MPPED2: variants seen among roughly 807,000 people sequenced by gnomAD.
MPPED2 encodes metallophosphoesterase MPPED2.
Under a neutral mutation model 33.0 loss-of-function variants are expected in MPPED2, and 5 were observed. The observed-to-expected ratio is 0.15, with a 90% CI of 0.08 to 0.32. MPPED2 has a LOEUF of 0.32. Among genes scored for constraint, MPPED2 ranks in the 10% least tolerant of loss-of-function variants. The probability of loss-of-function intolerance (pLI) is 1.00; values close to 1 mark genes in which losing one functional copy is unlikely to be tolerated. For synonymous variants in MPPED2, 136 were observed against 141.9 expected (o/e 0.96, Z 0.29); for missense variants, 275 against 372.1 (o/e 0.74, Z 2.15).
At chr11:30,486,425 G>C (rs1485431106) in intron 4 of MPPED2, among the ~76,000 whole-genome samples, 2 of 152,186 alleles carry the variant, frequency 1.3e-5, no homozygotes, top group East Asian at 3.8e-4. Flanking sequence ...AGGGAATACT[G>C]TATATTTGAC....
intron 4 of MPPED2, among the ~76,000 whole-genome samples, chr11:30,482,758 C>T (rs969063105): frequency 2.7e-5 from 4 of 147,996 alleles, no homozygotes; most frequent in Non-Finnish European, 5.9e-5. Context: ...AAAATGCATT[C>T]ATAATTATGT....
At position 30,505,679 on chromosome 11, in the gene MPPED2, A is replaced by C. The variant is rs549768378; in HGVS notation, c.311-10158T>G. 1.1e-4 allele frequency among the ~76,000 whole-genome samples: 17 copies of C among 152,352 alleles called. 1 individual carries two copies. In the South Asian group the frequency reaches 2.7e-3, roughly 24 times the overall value. On this transcript the variant is annotated intron_variant, in intron 3 of 6. Coordinates refer to ENST00000358117, the MANE Select transcript of MPPED2 (RefSeq NM_001584.3). ...CCTCAAGCATTAGAAAACCGCATCC[A>C]AATCAAGGTTCCACCAGATAATCAC...
intron 4 of MPPED2, among the ~76,000 whole-genome samples, chr11:30,472,292 T>C (rs1483985162): frequency 6.6e-5 from 10 of 152,194 alleles, no homozygotes; most frequent in Non-Finnish European, 4.4e-5. Flanking sequence ...ACCTGGAAGC[T>C]TGAGGCTGCA....
At chr11:30,576,224 G>T (rs930102469) in intron 2 of MPPED2, among the ~76,000 whole-genome samples, 1 of 152,166 alleles carries the variant, frequency 6.6e-6, no homozygotes, top group Non-Finnish European at 1.5e-5. Context: ...TGTATTCACA[G>T]TTGGTTATAC....
chr11:30,509,397 G>A (rs1033595442), intron 3 of MPPED2, among the ~76,000 whole-genome samples: 11 of 152,152 alleles, frequency 7.2e-5, no homozygotes, highest in African/African-American at 2.2e-4. Context: ...CTTTGTTCCC[G>A]GTAGCTCAGA....
chr11:30,408,519 T>C (rs1433349242), downstream of MPPED2, among the ~76,000 whole-genome samples: 1 of 152,012 alleles, frequency 6.6e-6, no homozygotes, highest in African/African-American at 2.4e-5. Context: ...ACCATGTTGG[T>C]CAGGATGGTC....
Position 30,417,640 on chromosome 11 carries a change from G to A in MPPED2, c.537-7C>T. ...TCCATTAAACCACGGGGTCCTTTGGGGGAGATAATGCACATGGTATCAGGC... is the reference window on the plus strand; with the variant it reads ...TCCATTAAACCACGGGGTCCTTTGGAGGAGATAATGCACATGGTATCAGGC... On this transcript the variant is annotated splice_region_variant and splice_polypyrimidine_tract_variant and intron_variant, in intron 4 of 6. Coordinates refer to ENST00000358117, the MANE Select transcript of MPPED2 (RefSeq NM_001584.3). 1 of 1,544,494 alleles carries A rather than the reference G, an allele frequency of 6.5e-7. No homozygotes were observed. The highest frequency in any genetic ancestry group is 8.9e-7 in the Non-Finnish European group (1 of 1,117,448).
chr11:30,413,522 G>A (rs527895386), intron 6 of MPPED2, among the ~76,000 whole-genome samples: 3 of 152,248 alleles, frequency 2.0e-5, no homozygotes, highest in Admixed American at 6.5e-5. Flanking sequence ...TTAGGCTTTC[G>A]GTTCTGTGAA....
intron 3 of MPPED2, among the ~76,000 whole-genome samples, chr11:30,498,672 G>A (rs1253614820): frequency 6.6e-6 from 1 of 152,074 alleles, no homozygotes; most frequent in Non-Finnish European, 1.5e-5. Context: ...TTGACAAAAT[G>A]TCAAATAGTT....
intron 3 of MPPED2, among the ~76,000 whole-genome samples, chr11:30,533,703 T>G (rs927288934): frequency 1.3e-4 from 20 of 152,026 alleles, no homozygotes; most frequent in African/African-American, 4.8e-4. Context: ...TCTAACCATA[T>G]CCCAGGGCTC....
intron 3 of MPPED2, among the ~76,000 whole-genome samples, chr11:30,496,368 A>T (rs11031115): frequency 0.23 from 34,400 of 152,120 alleles, 4,916 homozygotes; most frequent in Non-Finnish European, 0.32. Context: ...TAAGAACGAA[A>T]ATCCAAAGGG....
At chr11:30,425,836 G>A (rs1948814360) in intron 4 of MPPED2, among the ~76,000 whole-genome samples, 2 of 152,106 alleles carry the variant, frequency 1.3e-5, no homozygotes, top group Admixed American at 6.5e-5. Flanking sequence ...TCTTCAAAGA[G>A]GAATCTCACA....
At chr11:30,504,485 A>G (rs1952722849) in intron 3 of MPPED2, among the ~76,000 whole-genome samples, 1 of 152,098 alleles carries the variant, frequency 6.6e-6, no homozygotes, top group African/African-American at 2.4e-5. Context: ...GGGGTTCTAT[A>G]AGCTATGAGG....
chr11:30,530,760 A>G (rs1954476941), intron 3 of MPPED2, among the ~76,000 whole-genome samples: 1 of 152,254 alleles, frequency 6.6e-6, no homozygotes, highest in Non-Finnish European at 1.5e-5. Flanking sequence ...GCAATATTCA[A>G]GAAGGCTACC....
At chr11:30,443,827 G>A (rs1027519512) in intron 4 of MPPED2, among the ~76,000 whole-genome samples, 5 of 152,122 alleles carry the variant, frequency 3.3e-5, no homozygotes, top group South Asian at 2.1e-4. Context: ...ACTGCATAAC[G>A]AAACAACAAA....
intron 4 of MPPED2, among the ~76,000 whole-genome samples, chr11:30,458,894 T>A (rs1317705668): frequency 1.3e-5 from 2 of 150,082 alleles, no homozygotes; most frequent in Non-Finnish European, 3.0e-5. Context: ...TAAATTTTTT[T>A]AGGACAATTT....
At chr11:30,406,457 G>A (rs1947990246), downstream of MPPED2, among the ~76,000 whole-genome samples, 1 of 152,150 alleles carries the variant, frequency 6.6e-6, no homozygotes, top group Non-Finnish European at 1.5e-5. Flanking sequence ...TGGGGCACCA[G>A]GGAAGATTGG....
chr11:30,403,014 G>A (rs1403919981), intron 6 of MPPED2, among the ~76,000 whole-genome samples: 1 of 152,194 alleles, frequency 6.6e-6, no homozygotes, highest in Admixed American at 6.5e-5. Flanking sequence ...GGGAGGCCGA[G>A]GCAGGCAGAT....
At chr11:30,553,817 C>G (rs1398499452) in intron 2 of MPPED2, among the ~76,000 whole-genome samples, 4 of 152,074 alleles carry the variant, frequency 2.6e-5, no homozygotes, top group Non-Finnish European at 4.4e-5. Flanking sequence ...ATCTCTGGCA[C>G]AGAGAGTGTA....
Sources: gnomAD v4.1 joint callset for allele counts (sites outside exome capture counted in the v4.1 genomes callset) on GRCh38, gnomAD v4.1.1 for gene constraint, MANE v1.5 for transcripts, NCBI Gene and HGNC (gene_info 2026-07-23, HGNC 2026-07-21) for gene names.